Variants in HEXA observed in about 807,000 individuals in gnomAD.
HEXA encodes beta-hexosaminidase subunit alpha.
In HEXA, 54 loss-of-function variants were observed where a neutral mutation model predicts 73.3. The ratio of observed to expected loss-of-function variants is 0.74; its 90% CI spans 0.59 to 0.92. The LOEUF (loss-of-function observed/expected upper bound fraction) is 0.92. Ranked by LOEUF, HEXA falls within the 40% of genes least tolerant of loss-of-function variation. The pLI is 0.00. For synonymous variants in HEXA, 230 were observed against 246.9 expected (o/e 0.93, Z 0.64); for missense variants, 649 against 653.0 (o/e 0.99, Z 0.07).
intron 10 of HEXA, 28 bp from the exon 11 acceptor site, chr15:72,346,738 G>T: frequency 6.2e-7 from 1 of 1,609,620 alleles, no homozygotes; most frequent in South Asian, 1.1e-5. Flanking sequence ...ATGGCAGTAA[G>T]GACACAAAGC....
rs190732953 is a variant in HEXA, at chr15:72,362,734, G to A, written c.254-6117C>T. On this transcript the variant is annotated intron_variant, in intron 1 of 13. Transcript: ENST00000268097. The stretch of plus-strand genomic sequence containing the variant: ...TCCACTTCTCTGAGAGGAAGAACTC[G>A]TTGCTGTATTAGGGTCACTAATAAC... Among the ~76,000 whole-genome samples the A allele has an allele frequency of 1.6e-3, 248 of 152,050 alleles. 1 individual carries two copies. The highest frequency in any genetic ancestry group is 5.7e-3 in the African/African-American group (236 of 41,414).
At chr15:72,370,828 C>G in intron 1 of HEXA, 1 of 391,808 alleles carries the variant, frequency 2.6e-6, no homozygotes, top group Non-Finnish European at 4.5e-6. Flanking sequence ...TGCCCTTCAA[C>G]TAAAAACTGT....
intron 1 of HEXA, among the ~76,000 whole-genome samples, chr15:72,365,155 T>A (rs1170022409): frequency 6.6e-6 from 1 of 152,242 alleles, no homozygotes; most frequent in East Asian, 1.9e-4. Flanking sequence ...AATGGCGCGA[T>A]CTCGGCTCAC....
Position 72,344,000 on chromosome 15 carries a change from C to G in HEXA, c.*77G>C, listed in dbSNP as rs1435276042. The stretch of plus-strand genomic sequence containing the variant: ...GGGGCACGAAGGCAAGGGGCTCCGT[C>G]CCCTGGCCAGGATGCAGTGGAAGCC... On this transcript the variant is annotated 3_prime_UTR_variant, in exon 14 of 14. Transcript: ENST00000268097. The G allele has an allele frequency of 6.2e-6, 8 of 1,284,150 alleles. No individual in the cohort carries two copies. Among genetic ancestry groups the G allele is most frequent in the Non-Finnish European group, 9.1e-6 (8 of 881,564 alleles). The allele number at this position is 1,284,150 out of a possible 1,614,324, so 79.5% of individuals were successfully genotyped here.
intron 12 of HEXA, chr15:72,345,895 C>G: frequency 1.9e-6 from 1 of 522,562 alleles, no homozygotes; most frequent in Non-Finnish European, 3.5e-6. Flanking sequence ...GGTAAGGCTG[C>G]AGTGAAAACA....
At chr15:72,372,323 T>C (rs2089004459) in intron 1 of HEXA, among the ~76,000 whole-genome samples, 1 of 145,384 alleles carries the variant, frequency 6.9e-6, no homozygotes, top group Non-Finnish European at 1.5e-5. Context: ...CATTCCAGCC[T>C]GGGCAACAGA....
rs577551735 is a variant in HEXA, at chr15:72,366,231, T to C, written c.253+9489A>G. On this transcript the variant is annotated intron_variant, in intron 1 of 13. Transcript: ENST00000268097. ...TAATAAAACACCTTTCTTCTGTGGT[T>C]CATGTCATCCAGCTGTTAAATCTTC... is the stretch of plus-strand genomic sequence containing the variant. Among the ~76,000 whole-genome samples the C allele has an allele frequency of 7.2e-5, 11 of 152,292 alleles. 1 individual carries two copies. The South Asian group carries it at 2.3e-3, about 32-fold the overall frequency.
chr15:72,345,379 C>T (rs1595796190), intron 13 of HEXA, 67 bp downstream of exon 13: 4 of 1,605,154 alleles, frequency 2.5e-6, no homozygotes, highest in Non-Finnish European at 3.4e-6. Flanking sequence ...GTCTTCCTCT[C>T]TCTAAGGGGT....
chr15:72,356,463 C>T (rs2088781237), intron 2 of HEXA, 62 bp downstream of exon 2: 3 of 1,590,606 alleles, frequency 1.9e-6, no homozygotes, highest in Admixed American at 3.4e-5. Flanking sequence ...GCCAGGCCAT[C>T]CAGAGTTACA....
intron 2 of HEXA, among the ~76,000 whole-genome samples, chr15:72,356,300 C>T (rs2088778160): frequency 6.6e-6 from 1 of 152,218 alleles, no homozygotes; most frequent in Non-Finnish European, 1.5e-5. Flanking sequence ...TCCTGTGGGA[C>T]TCAGTGAAGA....
chr15:72,373,055 C>T (rs1380563986), intron 1 of HEXA, among the ~76,000 whole-genome samples: 6 of 152,120 alleles, frequency 3.9e-5, no homozygotes, highest in African/African-American at 1.2e-4. Context: ...TGCTTGAGAC[C>T]GGGAGGCAGA....
At chr15:72,347,599 G>T in intron 10 of HEXA, 87 bp downstream of exon 10, 1 of 1,046,444 alleles carries the variant, frequency 9.6e-7, no homozygotes, top group Non-Finnish European at 1.5e-6. Flanking sequence ...AAACCAGGAG[G>T]ATCAGTCTCT....
At chr15:72,356,416 G>C in intron 2 of HEXA, 109 bp downstream of exon 2, 1 of 1,216,988 alleles carries the variant, frequency 8.2e-7, no homozygotes, top group Non-Finnish European at 1.2e-6. Flanking sequence ...GGTCCCCAGG[G>C]TCAAGGGGGA....
chr15:72,367,481 C>G (rs887149188), intron 1 of HEXA, among the ~76,000 whole-genome samples: 3 of 152,204 alleles, frequency 2.0e-5, no homozygotes, highest in South Asian at 2.1e-4. Flanking sequence ...AGCCACTACT[C>G]TCTCTTATCT....
chr15:72,362,432 T>G lies in HEXA; in HGVS notation c.254-5815A>C, dbSNP rs530967618. 7.9e-5 allele frequency: 36 copies of G among 455,984 alleles called. No homozygotes were observed. In the East Asian group the frequency reaches 2.0e-3, roughly 26 times the overall value. The allele number at this position is 455,984 out of a possible 1,614,324, so 28.2% of individuals were successfully genotyped here. A position where few individuals can be genotyped will look rare whatever the true frequency, so the allele number is the denominator to read the frequency against. On this transcript the variant is annotated intron_variant, in intron 1 of 13. Coordinates refer to ENST00000268097, the MANE Select transcript of HEXA (RefSeq NM_000520.6). Reference sequence around the variant, plus strand: ...AATCTCAGTGTCTTTGTATTCCCAGTGCCTGACACACAGCAGTCATTCAGT... The same window carrying G: ...AATCTCAGTGTCTTTGTATTCCCAGGGCCTGACACACAGCAGTCATTCAGT...
chr15:72,350,234 G>C (rs2088677116), intron 7 of HEXA: 1 of 445,466 alleles, frequency 2.2e-6, no homozygotes, highest in African/African-American at 2.0e-5. Flanking sequence ...ATTCTACCCT[G>C]GTGGTCAGAT....
chr15:72,365,346 G>C lies in HEXA; in HGVS notation c.254-8729C>G, dbSNP rs544190343. Among the ~76,000 whole-genome samples the C allele has an allele frequency of 3.9e-5, 6 of 152,212 alleles. No individual in the cohort carries two copies. The South Asian group carries it at 1.2e-3, about 32-fold the overall frequency. ...GATCTCCTGACCTCATGATCCACCC[G>C]CCTTGGCCTCCCAAAGTGCTGGGAC... On this transcript the variant is annotated intron_variant, in intron 1 of 13. Coordinates refer to ENST00000268097, the MANE Select transcript of HEXA (RefSeq NM_000520.6).
In HEXA at chr15:72,353,052, C is replaced by A; in HGVS notation, c.570+16G>T. Reference sequence around the variant, plus strand: ...TAGAACTCTTAAGTGTGAAGAAGGCCTTAAGGCCTGGTTACCAGAGTGTCC... The same window carrying A: ...TAGAACTCTTAAGTGTGAAGAAGGCATTAAGGCCTGGTTACCAGAGTGTCC... On this transcript the variant is annotated intron_variant, in intron 5 of 13. Coordinates refer to ENST00000268097, the MANE Select transcript of HEXA (RefSeq NM_000520.6). 1 of 1,509,628 alleles carries A rather than the reference C, an allele frequency of 6.6e-7. No homozygotes were observed. The highest frequency in any genetic ancestry group is 1.1e-5 in the South Asian group (1 of 88,936). The allele number at this position is 1,509,628 out of a possible 1,614,324, so 93.5% of individuals were successfully genotyped here.
chr15:72,344,382 C>G, intron 13 of HEXA, among the ~76,000 whole-genome samples: 1 of 152,126 alleles, frequency 6.6e-6, no homozygotes, highest in East Asian at 1.9e-4. Flanking sequence ...CTTGGAGATC[C>G]AGAAACGTTG....
Sources: allele counts gnomAD v4.1 joint callset (sites outside exome capture counted in the v4.1 genomes callset), GRCh38; gene constraint gnomAD v4.1.1; transcripts MANE v1.5; gene names NCBI Gene and HGNC (gene_info 2026-07-23, HGNC 2026-07-21).